DEFB121: variants seen among roughly 807,000 people sequenced by gnomAD.
The protein encoded by DEFB121 is defensin beta 121.
A neutral mutation model predicts 2.5 loss-of-function variants in DEFB121; 5 were observed. That is an observed-to-expected ratio of 1.96 (90% CI 1.03 to 4.13). The LOEUF (loss-of-function observed/expected upper bound fraction) is 4.13, where lower values mean the gene tolerates loss of function less well. Among genes scored for constraint, DEFB121 ranks in the 30% most tolerant of loss-of-function variants. The pLI, the probability that DEFB121 is intolerant of heterozygous loss-of-function variation, is 0.00. For missense variants in DEFB121, 87 were observed against 85.0 expected, an observed-to-expected ratio of 1.02 and a Z score of -0.09; for synonymous variants, 39 against 32.6, an observed-to-expected ratio of 1.20 and a Z score of -0.67.
chr20:31,409,663 C>A (rs958738140), upstream of DEFB121, among the ~76,000 whole-genome samples: 11 of 152,150 alleles, frequency 7.2e-5, no homozygotes, highest in Non-Finnish European at 1.6e-4. Context: ...ATTGCTTGAA[C>A]CCGGGAGGCG....
At chr20:31,417,072 G>A (rs757670121), upstream of DEFB121, among the ~76,000 whole-genome samples, 19 of 152,132 alleles carry the variant, frequency 1.2e-4, 1 homozygote, top group Admixed American at 7.2e-4. Context: ...AAGGCCGGGC[G>A]CAATGGCTCA....
At chr20:31,412,568 T>C (rs1978693061) in intron 1 of DEFB121, 1 of 1,247,452 alleles carries the variant, frequency 8.0e-7, no homozygotes, top group African/African-American at 1.5e-5. Flanking sequence ...GTGCCTGGCA[T>C]AGAGGAAAGC....
At chr20:31,412,513 G>C in intron 1 of DEFB121, 1 of 730,676 alleles carries the variant, frequency 1.4e-6, no homozygotes, top group Non-Finnish European at 2.1e-6. Flanking sequence ...GCAGAGGTTT[G>C]CTGTGAAGAT....
upstream of DEFB121, among the ~76,000 whole-genome samples, chr20:31,409,440 C>A (rs1426915639): frequency 6.6e-6 from 1 of 152,148 alleles, no homozygotes; most frequent in African/African-American, 2.4e-5. Flanking sequence ...ATGCAACATA[C>A]GGATGAACCT....
chr20:31,417,073 C>T (rs1978827469), upstream of DEFB121, among the ~76,000 whole-genome samples: 2 of 152,300 alleles, frequency 1.3e-5, no homozygotes, highest in Non-Finnish European at 2.9e-5. Context: ...AGGCCGGGCG[C>T]AATGGCTCAC....
chr20:31,406,325 G>A (rs1978480406), upstream of DEFB121: 2 of 1,365,360 alleles, frequency 1.5e-6, no homozygotes, highest in African/African-American at 1.5e-5. Context: ...AGGCAAGGAA[G>A]GTATCAACCA....
upstream of DEFB121, among the ~76,000 whole-genome samples, chr20:31,409,698 G>T (rs1463672317): frequency 6.6e-6 from 1 of 152,192 alleles, no homozygotes; most frequent in African/African-American, 2.4e-5. Context: ...CCTGAGCCAA[G>T]ATCATGCCAC....
At chr20:31,405,684 T>TA (rs1568738620) in intron 1 of DEFB121, among the ~76,000 whole-genome samples, 2 of 152,130 alleles carry the variant, frequency 1.3e-5, no homozygotes, top group Non-Finnish European at 2.9e-5. Context: ...GAGGTTGCAT[T>TA]AAAAAGTGGA....
upstream of DEFB121, among the ~76,000 whole-genome samples, chr20:31,407,507 C>T (rs1978520443): frequency 6.6e-6 from 1 of 152,158 alleles, no homozygotes; most frequent in South Asian, 2.1e-4. Context: ...ATGAGAAGAA[C>T]ATGCCCCAGT....
chr20:31,406,199 A>G lies in DEFB121; in HGVS notation c.-47T>C. On this transcript the variant is annotated 5_prime_UTR_variant, in exon 1 of 2. Coordinates refer to ENST00000376314, the MANE Select transcript of DEFB121 (RefSeq NM_001011878.3). ...GGATAGGAGGCTTCTCAACTGGTAAAACAGACAGAGGACTCCATTCTGGGC... is the reference window on the plus strand; with the variant it reads ...GGATAGGAGGCTTCTCAACTGGTAAGACAGACAGAGGACTCCATTCTGGGC... 1.2e-6 allele frequency: 2 copies of G among 1,612,418 alleles called. No individual in the cohort carries two copies. Among genetic ancestry groups the G allele is most frequent in the Non-Finnish European group, 1.7e-6 (2 of 1,179,092 alleles).
chr20:31,415,155 T>A (rs1337575515), upstream of DEFB121, among the ~76,000 whole-genome samples: 1 of 152,174 alleles, frequency 6.6e-6, no homozygotes, highest in Admixed American at 6.5e-5. Context: ...ACACAAAAAA[T>A]TGTTAAAACA....
At chr20:31,405,752 A>C (rs1978456266) in intron 1 of DEFB121, among the ~76,000 whole-genome samples, 1 of 152,226 alleles carries the variant, frequency 6.6e-6, no homozygotes, top group Non-Finnish European at 1.5e-5. Flanking sequence ...GCAACAATGC[A>C]TCAAAATTCA....
At chr20:31,415,183 T>C (rs1291106110), upstream of DEFB121, among the ~76,000 whole-genome samples, 15 of 152,160 alleles carry the variant, frequency 9.9e-5, no homozygotes, top group African/African-American at 2.4e-5. Context: ...ACATGTTGTG[T>C]TCTTACCACA....
At chr20:31,407,886 T>C (rs1343368468), upstream of DEFB121, among the ~76,000 whole-genome samples, 1 of 152,206 alleles carries the variant, frequency 6.6e-6, no homozygotes, top group East Asian at 1.9e-4. Context: ...CAAGCAGTTC[T>C]CCTGCCTTAG....
upstream of DEFB121, among the ~76,000 whole-genome samples, chr20:31,414,178 G>A (rs1412505363): frequency 6.6e-6 from 1 of 151,768 alleles, no homozygotes; most frequent in African/African-American, 2.4e-5. Flanking sequence ...TTGCCCTCCA[G>A]CCTGGGCAAT....
upstream of DEFB121, among the ~76,000 whole-genome samples, chr20:31,413,550 T>C (rs1978719716): frequency 6.6e-6 from 1 of 152,230 alleles, no homozygotes; most frequent in African/African-American, 2.4e-5. Context: ...CTGGGGACAC[T>C]GCCCCATATC....
chr20:31,411,647 CAA>C (rs1237921254), intron 1 of DEFB121, among the ~76,000 whole-genome samples: 1 of 151,312 alleles, frequency 6.6e-6, no homozygotes, highest in African/African-American at 2.4e-5. Context: ...AATGAATCTG[CAA>C]ATGGTACATT....
At chr20:31,408,675 T>C (rs936634783), upstream of DEFB121, among the ~76,000 whole-genome samples, 3 of 152,156 alleles carry the variant, frequency 2.0e-5, no homozygotes, top group Non-Finnish European at 2.9e-5. Context: ...GACACTCAAG[T>C]TTAAATTTTG....
upstream of DEFB121, among the ~76,000 whole-genome samples, chr20:31,409,954 G>T (rs1978611414): frequency 6.6e-6 from 1 of 151,928 alleles, no homozygotes; most frequent in South Asian, 2.1e-4. Context: ...TGGGGCATGA[G>T]GGAACTTTCA....
Sources: gnomAD v4.1 joint callset for allele counts (sites outside exome capture counted in the v4.1 genomes callset) on GRCh38, gnomAD v4.1.1 for gene constraint, MANE v1.5 for transcripts, NCBI Gene and HGNC (gene_info 2026-07-23, HGNC 2026-07-21) for gene names.